The following EFCAB6 variants were observed in gnomAD, a reference collection of about 807,000 sequenced individuals.
The protein encoded by EFCAB6 is EF-hand calcium binding domain 6.
In EFCAB6, 156 loss-of-function variants were observed where a neutral mutation model predicts 169.8. The observed-to-expected ratio is 0.92, with a 90% confidence interval of 0.81 to 1.05. EFCAB6 has a LOEUF of 1.05. Among genes scored for constraint, EFCAB6 ranks in the 50% least tolerant of loss-of-function variants. EFCAB6 has a pLI of 0.00. For missense variants in EFCAB6, 1,800 were observed against 1,829.1 expected (o/e 0.98, Z 0.29); for synonymous variants, 698 against 676.4 (o/e 1.03, Z -0.50).
intron 14 of EFCAB6, 41 bp from the exon 15 acceptor site, chr22:43,672,174 T>C (rs2146980567): frequency 6.2e-7 from 1 of 1,613,744 alleles, no homozygotes; most frequent in Non-Finnish European, 8.5e-7. Context: ...GCCATACATC[T>C]GTAACCTCTT....
intron 2 of EFCAB6, chr22:43,802,564 C>A: frequency 8.0e-6 from 3 of 373,732 alleles, no homozygotes; most frequent in Admixed American, 3.6e-5. Flanking sequence ...AGATGAAGGA[C>A]AAATCACAGA....
At position 43,602,564 on chromosome 22, in the gene EFCAB6, A is replaced by G. The variant is rs111319829; in HGVS notation, c.2682-2301T>C. Among the ~76,000 whole-genome samples, 599 of 152,212 alleles carry G rather than the reference A, an allele frequency of 3.9e-3. 3 individuals are homozygous for G. Among genetic ancestry groups the G allele is most frequent in the Middle Eastern group, 0.014 (4 of 294 alleles). Reference sequence around the variant, plus strand: ...GGCCATGCCTCTCTCCTTGAACTACATCAGGACTCTAACTAGCCTTGTGGC... The same window carrying G: ...GGCCATGCCTCTCTCCTTGAACTACGTCAGGACTCTAACTAGCCTTGTGGC... On this transcript the variant is annotated intron_variant, in intron 22 of 31. Transcript: ENST00000262726.
At chr22:43,678,817 C>A (rs1224534414) in intron 12 of EFCAB6, among the ~76,000 whole-genome samples, 1 of 152,098 alleles carries the variant, frequency 6.6e-6, no homozygotes, top group Non-Finnish European at 1.5e-5. Flanking sequence ...AAATAAAGAA[C>A]CTTTACCTCA....
intron 16 of EFCAB6, 28 bp downstream of exon 16, chr22:43,668,844 T>C: frequency 6.4e-7 from 1 of 1,552,934 alleles, no homozygotes; most frequent in South Asian, 1.3e-5. Context: ...GTGGTTTTGA[T>C]ATGTGCATTC....
At chr22:43,782,850 C>CA (rs2061876570) in intron 2 of EFCAB6, among the ~76,000 whole-genome samples, 1 of 152,178 alleles carries the variant, frequency 6.6e-6, no homozygotes, top group Non-Finnish European at 1.5e-5. Context: ...ATCTGGGGAG[C>CA]ATTTATTCCC....
At chr22:43,683,164 G>A (rs915991997) in intron 12 of EFCAB6, among the ~76,000 whole-genome samples, 4 of 152,172 alleles carry the variant, frequency 2.6e-5, no homozygotes, top group African/African-American at 7.2e-5. Flanking sequence ...TTCAATTACC[G>A]AATGTGCTTA....
intron 22 of EFCAB6, among the ~76,000 whole-genome samples, chr22:43,602,566 C>A (rs544304428): frequency 6.6e-6 from 1 of 152,130 alleles, no homozygotes; most frequent in African/African-American, 2.4e-5. Context: ...TGAACTACAT[C>A]AGGACTCTAA....
chr22:43,606,192 C>T (rs778193088), intron 22 of EFCAB6, among the ~76,000 whole-genome samples: 4 of 152,164 alleles, frequency 2.6e-5, no homozygotes, highest in Non-Finnish European at 5.9e-5. Flanking sequence ...ATAAATTAAT[C>T]TTGTATGTGA....
intron 10 of EFCAB6, among the ~76,000 whole-genome samples, chr22:43,705,299 T>C (rs184168188): frequency 6.6e-6 from 1 of 152,268 alleles, no homozygotes. Flanking sequence ...AATACCCCAC[T>C]TTCAATAATG....
intron 17 of EFCAB6, among the ~76,000 whole-genome samples, chr22:43,650,585 C>A (rs1262939165): frequency 6.6e-6 from 1 of 152,054 alleles, no homozygotes; most frequent in Non-Finnish European, 1.5e-5. Context: ...TGAAAAGATA[C>A]CTGAAAATGT....
intron 4 of EFCAB6, among the ~76,000 whole-genome samples, chr22:43,770,381 C>A (rs1275839713): frequency 6.6e-6 from 1 of 152,126 alleles, no homozygotes; most frequent in Non-Finnish European, 1.5e-5. Flanking sequence ...GGAAATAAGA[C>A]CCCTCTCAAT....
chr22:43,668,751 G>A lies in EFCAB6; in HGVS notation c.1814+121C>T, dbSNP rs2057364282. 1.2e-5 allele frequency: 11 copies of A among 908,768 alleles called. No homozygotes were observed. The South Asian group carries it at 2.6e-4, about 22-fold the overall frequency. The allele number at this position is 908,768 out of a possible 1,614,324, so 56.3% of individuals were successfully genotyped here. On this transcript the variant is annotated intron_variant, in intron 16 of 31. Coordinates refer to ENST00000262726, the MANE Select transcript of EFCAB6 (RefSeq NM_022785.4). ...ACTCTAATTACTGTCTTTCTAGTGT[G>A]CCATCTTTCTTATTTATAAAATGAA... is the stretch of plus-strand genomic sequence containing the variant.
intron 13 of EFCAB6, among the ~76,000 whole-genome samples, chr22:43,674,753 A>C (rs1569360865): frequency 1.3e-5 from 2 of 152,178 alleles, no homozygotes; most frequent in Non-Finnish European, 2.9e-5. Context: ...ACAACCTTAC[A>C]AGGTGGTACC....
chr22:43,804,378 A>G (rs750276469), intron 2 of EFCAB6, among the ~76,000 whole-genome samples: 5 of 152,226 alleles, frequency 3.3e-5, no homozygotes, highest in Non-Finnish European at 7.3e-5. Context: ...AAATAGAAAG[A>G]CTTCAAAAAA....
In EFCAB6 at chr22:43,537,854, GACA is replaced by G. The variant is rs548299806; in HGVS notation, c.3880-312_3880-310del. Reference sequence around the variant, plus strand: ...CTGTGTGTGTGTGTGTGTGAGAAGTGACAACGACAAATTTTTTCACTAGCGGAA... The same window carrying G: ...CTGTGTGTGTGTGTGTGTGAGAAGTGACGACAAATTTTTTCACTAGCGGAA... On this transcript the variant is annotated intron_variant, in intron 28 of 31. Transcript: ENST00000262726. The surrounding 1 kb of genome is among the most constrained non-coding windows in gnomAD (Gnocchi z 4.3). Among the ~76,000 whole-genome samples, 8 of 152,216 alleles carry G rather than the reference GACA, an allele frequency of 5.3e-5. No homozygotes were observed. The East Asian group carries it at 1.4e-3, about 26-fold the overall frequency.
chr22:43,602,086 C>T (rs1259270706), intron 22 of EFCAB6, among the ~76,000 whole-genome samples: 4 of 152,248 alleles, frequency 2.6e-5, no homozygotes, highest in African/African-American at 9.6e-5. Flanking sequence ...CCTGGCAAGG[C>T]CCTTTCCTGC....
chr22:43,688,394 T>C (rs1438997260), intron 10 of EFCAB6, among the ~76,000 whole-genome samples: 1 of 152,198 alleles, frequency 6.6e-6, no homozygotes, highest in Non-Finnish European at 1.5e-5. Flanking sequence ...AAAGTTAGTA[T>C]AGATTTAAAG....
chr22:43,658,103 C>T (rs2056834084), intron 17 of EFCAB6, among the ~76,000 whole-genome samples: 1 of 151,868 alleles, frequency 6.6e-6, no homozygotes, highest in Non-Finnish European at 1.5e-5. Context: ...GTGGCGGGGA[C>T]CTGTAATCCC....
At chr22:43,763,769 T>C (rs1366625304) in intron 5 of EFCAB6, among the ~76,000 whole-genome samples, 2 of 152,140 alleles carry the variant, frequency 1.3e-5, no homozygotes, top group African/African-American at 2.4e-5. Flanking sequence ...AACTTTTATT[T>C]TTTATTATTT....
Sources: gnomAD v4.1 joint callset for allele counts (sites outside exome capture counted in the v4.1 genomes callset) on GRCh38, gnomAD v4.1.1 for gene constraint, Gnocchi (gnomAD v3.1) non-coding constraint, MANE v1.5 for transcripts, NCBI Gene and HGNC (gene_info 2026-07-23, HGNC 2026-07-21) for gene names.